PPM1N: variants seen among roughly 807,000 people sequenced by gnomAD.
PPM1N encodes the protein probable protein phosphatase 1N.
PPM1N carries 35 observed loss-of-function variants against 32.6 expected under a neutral mutation model. The observed-to-expected ratio is 1.07, with a 90% CI of 0.82 to 1.43. PPM1N has a LOEUF of 1.43. Among genes scored for constraint, PPM1N ranks in the 40% most tolerant of loss-of-function variants. The pLI is 0.00. For missense variants in PPM1N, 648 were observed against 606.6 expected (o/e 1.07, Z -0.72); for synonymous variants, 275 against 270.5 (o/e 1.02, Z -0.16).
chr19:45,499,308 C>T lies in PPM1N; in HGVS notation c.836C>T (p.Thr279Ile), dbSNP rs1159850737. Residue 279 changes from threonine to isoleucine, a missense_variant, in exon 1 of 5, where the codon ACT (threonine) becomes ATT (isoleucine). By Grantham distance (89) the Thr-to-Ile change is moderately conservative (BLOSUM62 -1). Coordinates refer to ENST00000451287, the MANE Select transcript of PPM1N (RefSeq NM_001080401.2). ...CTGGCCTCTGATGGCGTCTGGGACACTGTGTCTGGTGCTGCCCTGGCGGGA... is the reference window on the plus strand; with the variant it reads ...CTGGCCTCTGATGGCGTCTGGGACATTGTGTCTGGTGCTGCCCTGGCGGGA... Reference protein sequence around the residue: ...MLLASDGVWDTVSGAALAGLV... With the variant: ...MLLASDGVWDIVSGAALAGLV... 6.2e-7 allele frequency: 1 copy of T among 1,613,146 alleles called. No individual in the cohort carries two copies. The highest frequency in any genetic ancestry group is 8.5e-7 in the Non-Finnish European group (1 of 1,179,842).
chr19:45,499,923 G>A, intron 1 of PPM1N, 26 bp from the exon 2 acceptor site: 1 of 1,554,804 alleles, frequency 6.4e-7, no homozygotes. Context: ...TCCCCCACCG[G>A]GCTCCTTTTT....
In PPM1N at chr19:45,498,516, C is replaced by T; in HGVS notation, c.44C>T (p.Ala15Val). Residue 15 changes from alanine (A) to valine (V), a missense_variant, in exon 1 of 5, where the codon GCT becomes GTT. By Grantham distance (64) the Ala-to-Val change is moderately conservative. Coordinates refer to ENST00000451287, the MANE Select transcript of PPM1N (RefSeq NM_001080401.2). Reference protein sequence around the residue: ...ARQLQRLLWTACKKKEREKEG... With the variant: ...ARQLQRLLWTVCKKKEREKEG... Reference sequence around the variant, plus strand: ...CAGCTGCAGCGTCTCCTCTGGACCGCTTGCAAGAAAAAGGAGAGGGAGAAG... The same window carrying T: ...CAGCTGCAGCGTCTCCTCTGGACCGTTTGCAAGAAAAAGGAGAGGGAGAAG... 7.1e-7 allele frequency: 1 copy of T among 1,410,980 alleles called. No homozygotes were observed. The allele number at this position is 1,410,980 out of a possible 1,614,324, so 87.4% of individuals were successfully genotyped here.
Position 45,499,883 on chromosome 19 carries a change from G to A in PPM1N, c.940-66G>A. On this transcript the variant is annotated intron_variant, in intron 1 of 4. Coordinates refer to ENST00000451287, the MANE Select transcript of PPM1N (RefSeq NM_001080401.2). The stretch of plus-strand genomic sequence containing the variant: ...GAATGAAGTGGGGGACTTGAACCTG[G>A]GGATTGTTGGGAAGCTCTGCCTTGG... The A allele has an allele frequency of 2.6e-6, 4 of 1,532,724 alleles. No individual in the cohort carries two copies. The South Asian group carries it at 3.6e-5, about 14-fold the overall frequency. 94.9% of individuals were successfully genotyped at this position (1,532,724 alleles called of 1,614,324 possible).
At chr19:45,499,501 G>C in intron 1 of PPM1N, 90 bp downstream of exon 1, 3 of 1,578,684 alleles carry the variant, frequency 1.9e-6, no homozygotes, top group Non-Finnish European at 2.6e-6. Flanking sequence ...TTGATAGAGA[G>C]GCAAGAGTAA....
Position 45,502,018 on chromosome 19 carries a change from AGG to A in PPM1N, c.1229_1230del (p.Gly410AlafsTer39). 1 of 1,502,068 alleles carries A rather than the reference AGG, an allele frequency of 6.7e-7. No individual in the cohort carries two copies. Among genetic ancestry groups the A allele is most frequent in the Non-Finnish European group, 8.8e-7 (1 of 1,131,268 alleles). 93.0% of individuals were successfully genotyped at this position (1,502,068 alleles called of 1,614,324 possible). Reference sequence around the variant, plus strand: ...CTTCTCCCACATTTTGTGTTACAGAAGGGGCAGGATGGGGCTGGGAAGTCCAA... The same window carrying A: ...CTTCTCCCACATTTTGTGTTACAGAAGGCAGGATGGGGCTGGGAAGTCCAA... On this transcript the variant is annotated frameshift_variant and splice_region_variant, in exon 5 of 5. Coordinates refer to ENST00000451287, the MANE Select transcript of PPM1N (RefSeq NM_001080401.2). LOFTEE classifies it low-confidence loss of function (END_TRUNC).
At position 45,498,840 on chromosome 19, in the gene PPM1N, TC is replaced by T; in HGVS notation, c.370del (p.Gln124ArgfsTer22). Reference protein sequence around the residue: ...FGARHLPGHVLQELGPEPSEP... With the variant: ...FGARHLPGHVXQELGPEPSEP... ...GCACGCCATTTGCCAGGCCATGTGC[TC>T]CAGGAGCTGGGCCCGGAGCCTAGCG... On this transcript the variant is annotated frameshift_variant, in exon 1 of 5. Coordinates refer to ENST00000451287, the MANE Select transcript of PPM1N (RefSeq NM_001080401.2). LOFTEE classifies it high-confidence loss of function. The T allele has an allele frequency of 6.5e-7, 1 of 1,537,782 alleles. No homozygotes were observed. The highest frequency in any genetic ancestry group is 8.7e-7 in the Non-Finnish European group (1 of 1,151,466).
intron 4 of PPM1N, among the ~76,000 whole-genome samples, chr19:45,501,112 C>T (rs1356178458): frequency 6.6e-6 from 1 of 152,134 alleles, no homozygotes; most frequent in Non-Finnish European, 1.5e-5. Context: ...CTGTGATTCC[C>T]CTCCAAGAAA....
chr19:45,500,052 G>A lies in PPM1N; in HGVS notation c.1043G>A (p.Gly348Asp). 4 of 1,595,026 alleles carry A rather than the reference G, an allele frequency of 2.5e-6. No homozygotes were observed. The highest frequency in any genetic ancestry group is 3.4e-6 in the Non-Finnish European group (4 of 1,169,826). The part of the protein sequence containing the change: ...RRELALDAAL[G>D]CRIAELCASA... ...GAGCTAGCACTGGACGCAGCCCTGG[G>A]CTGCAGAATCGCTGGTGAGCAGACT... The change falls in exon 2 of 5, where the codon GGC (glycine) becomes GAC (aspartate). Residue 348 changes from glycine (G) to aspartate (D), a missense_variant. Transcript: ENST00000451287.
Position 45,500,077 on chromosome 19 carries a change from T to C in PPM1N, c.1057+11T>C, listed in dbSNP as rs1312079425. ...GCTGCAGAATCGCTGGTGAGCAGACTCTGGGGGCCCAGCTGGAGGGGTGGT... is the reference window on the plus strand; with the variant it reads ...GCTGCAGAATCGCTGGTGAGCAGACCCTGGGGGCCCAGCTGGAGGGGTGGT... On this transcript the variant is annotated intron_variant, in intron 2 of 4. Transcript: ENST00000451287. 1.9e-6 allele frequency: 3 copies of C among 1,577,572 alleles called. No individual in the cohort carries two copies. The highest frequency in any genetic ancestry group is 1.2e-5 in the South Asian group (1 of 86,066).
Position 45,500,349 on chromosome 19 carries a change from G to T in PPM1N, c.1058-107G>T, listed in dbSNP as rs1179878874. 3.0e-6 allele frequency: 3 copies of T among 985,128 alleles called. No individual in the cohort carries two copies. The African/African-American group carries it at 4.8e-5, about 16-fold the overall frequency. The allele number at this position is 985,128 out of a possible 1,614,324, so 61.0% of individuals were successfully genotyped here. A position where few individuals can be genotyped will look rare whatever the true frequency, so the allele number is the denominator to read the frequency against. On this transcript the variant is annotated intron_variant, in intron 2 of 4. Transcript: ENST00000451287. ...GGGGTTTCACGATGTTGTCCAGGCT[G>T]GTCTCGAACCCCTGGCCTCAAGTGA...
chr19:45,502,267 A>G lies in PPM1N; in HGVS notation c.*182A>G, dbSNP rs954519788. 5.3e-6 allele frequency: 2 copies of G among 376,866 alleles called. No homozygotes were observed. The highest frequency in any genetic ancestry group is 1.0e-5 in the Non-Finnish European group (2 of 195,196). The allele number at this position is 376,866 out of a possible 1,614,324, so 23.3% of individuals were successfully genotyped here. On this transcript the variant is annotated 3_prime_UTR_variant, in exon 5 of 5. Coordinates refer to ENST00000451287, the MANE Select transcript of PPM1N (RefSeq NM_001080401.2). ...ACAGAAAAGTCTTACGAATGGGGAA[A>G]TTCCACCAACATCCAGACCAAAAAG...
At chr19:45,499,796 G>A (rs1968381026) in intron 1 of PPM1N, 153 bp from the exon 2 acceptor site, 5 of 1,498,246 alleles carry the variant, frequency 3.3e-6, no homozygotes, top group Admixed American at 2.2e-5. Flanking sequence ...CTAGGACCGG[G>A]TTTGGTCCCA....
In PPM1N at chr19:45,502,326, AAAAAAAAAC is replaced by A. The variant is rs1378768758; in HGVS notation, c.*249_*257del. 0.013 allele frequency: 6,565 copies of A among 521,682 alleles called. 332 individuals carry two copies. Among genetic ancestry groups the A allele is most frequent in the Admixed American group, 0.029 (655 of 22,828 alleles). The allele number at this position is 521,682 out of a possible 1,614,324, so 32.3% of individuals were successfully genotyped here. ...CCAAATCGAAAAAAAAAAAAAAAAAAAAAAAAAACAAAAAAACCCAACCAAATGTTTTTG... is the reference window on the plus strand; with the variant it reads ...CCAAATCGAAAAAAAAAAAAAAAAAAAAAAAAACCCAACCAAATGTTTTTG... On this transcript the variant is annotated 3_prime_UTR_variant, in exon 5 of 5. Coordinates refer to ENST00000451287, the MANE Select transcript of PPM1N (RefSeq NM_001080401.2).
chr19:45,499,705 T>C, intron 1 of PPM1N: 2 of 1,545,602 alleles, frequency 1.3e-6, no homozygotes. Flanking sequence ...TATTGATTAG[T>C]GCTGGAAGGT....
In PPM1N at chr19:45,499,216, A is replaced by G; in HGVS notation, c.744A>G (p.Leu248=). ...YKEAPGRPPE[L]QLVSAEPEVA... The stretch of plus-strand genomic sequence containing the variant: ...AGGCTCCGGGGAGGCCCCCCGAGCT[A>G]CAGCTCGTTTCTGCGGAGCCAGAGG... Residue 248 remains leucine (L), a synonymous_variant, in exon 1 of 5, where the codon CTA becomes CTG. Transcript: ENST00000451287. 1 of 1,576,346 alleles carries G rather than the reference A, an allele frequency of 6.3e-7. No individual in the cohort carries two copies. Among genetic ancestry groups the G allele is most frequent in the Non-Finnish European group, 8.6e-7 (1 of 1,166,150 alleles).
chr19:45,500,354 C>T (rs1371433044), intron 2 of PPM1N, 102 bp from the exon 3 acceptor site: 6 of 1,070,764 alleles, frequency 5.6e-6, no homozygotes, highest in East Asian at 2.6e-5. Flanking sequence ...AGGCTGGTCT[C>T]GAACCCCTGG....
At position 45,502,402 on chromosome 19, in the gene PPM1N, C is replaced by G. The variant is rs1968433681; in HGVS notation, c.*317C>G. The G allele has an allele frequency of 4.0e-6, 2 of 501,568 alleles. No homozygotes were observed. Among genetic ancestry groups the G allele is most frequent in the Non-Finnish European group, 6.9e-6 (2 of 291,800 alleles). The allele number at this position is 501,568 out of a possible 1,614,324, so 31.1% of individuals were successfully genotyped here. On this transcript the variant is annotated 3_prime_UTR_variant, in exon 5 of 5. Transcript: ENST00000451287. Reference sequence around the variant, plus strand: ...ACAGATTCTGAGAGATAACCCAGTCCAATAACCTCTTTCCTTCTTATTACT... The same window carrying G: ...ACAGATTCTGAGAGATAACCCAGTCGAATAACCTCTTTCCTTCTTATTACT...
chr19:45,498,555 A>G lies in PPM1N; in HGVS notation c.83A>G (p.Glu28Gly). ...KKEREKEGREEEEEEEAGRRA... is the reference protein window; with the variant it reads ...KKEREKEGREGEEEEEAGRRA... ...GAGAGGGAGAAGGAGGGGAGGGAGGAAGAGGAGGAGGAGGAGGCGGGGCGC... is the reference window on the plus strand; with the variant it reads ...GAGAGGGAGAAGGAGGGGAGGGAGGGAGAGGAGGAGGAGGAGGCGGGGCGC... Residue 28 changes from glutamate (E) to glycine (G), a missense_variant, in exon 1 of 5, where the codon GAA (glutamate) becomes GGA (glycine). Coordinates refer to ENST00000451287, the MANE Select transcript of PPM1N (RefSeq NM_001080401.2). 1 of 1,458,168 alleles carries G rather than the reference A, an allele frequency of 6.9e-7. No homozygotes were observed. The highest frequency in any genetic ancestry group is 9.0e-7 in the Non-Finnish European group (1 of 1,108,712). The allele number at this position is 1,458,168 out of a possible 1,614,324, so 90.3% of individuals were successfully genotyped here. A position where few individuals can be genotyped will look rare whatever the true frequency, so the allele number is the denominator to read the frequency against.
Position 45,499,282 on chromosome 19 carries a change from C to A in PPM1N, c.810C>A (p.Leu270=). The A allele has an allele frequency of 6.2e-7, 1 of 1,612,844 alleles. No homozygotes were observed. ...LARQAEDEFM[L]LASDGVWDTV... Reference sequence around the variant, plus strand: ...GCCAGGCTGAGGACGAGTTCATGCTCCTGGCCTCTGATGGCGTCTGGGACA... The same window carrying A: ...GCCAGGCTGAGGACGAGTTCATGCTACTGGCCTCTGATGGCGTCTGGGACA... The change falls in exon 1 of 5, where the codon CTC becomes CTA. Residue 270 remains leucine, a synonymous_variant. Coordinates refer to ENST00000451287, the MANE Select transcript of PPM1N (RefSeq NM_001080401.2).
Sources: allele counts gnomAD v4.1 joint callset (sites outside exome capture counted in the v4.1 genomes callset), GRCh38; gene constraint gnomAD v4.1.1; transcripts MANE v1.5; gene names NCBI Gene and HGNC (gene_info 2026-07-23, HGNC 2026-07-21).